Variants in DSCAM observed in about 807,000 individuals in gnomAD.
DSCAM encodes the protein DS cell adhesion molecule, also known as cell adhesion molecule DSCAM.
In DSCAM, 47 loss-of-function variants were observed where a neutral mutation model predicts 217.7. That is an observed-to-expected ratio of 0.22 (90% CI 0.17 to 0.28). The LOEUF (loss-of-function observed/expected upper bound fraction) is 0.28. Ranked by LOEUF, DSCAM falls within the 10% of genes least tolerant of loss-of-function variation. The probability of loss-of-function intolerance (pLI) is 1.00; values close to 1 mark genes in which losing one functional copy is unlikely to be tolerated. For synonymous variants in DSCAM, 1,056 were observed against 1,015.3 expected (o/e 1.04, Z -0.76); for missense variants, 2,080 against 2,618.3 (o/e 0.79, Z 4.49).
chr21:40,551,315 GT>G (rs2076628017), intron 3 of DSCAM, among the ~76,000 whole-genome samples: 1 of 152,134 alleles, frequency 6.6e-6, no homozygotes. Context: ...GATTCAAAGA[GT>G]TTCTGATTGA....
At chr21:40,520,053 G>C (rs550907695) in intron 3 of DSCAM, among the ~76,000 whole-genome samples, 1 of 151,956 alleles carries the variant, frequency 6.6e-6, no homozygotes. Flanking sequence ...TTCAGATCTT[G>C]CATCTATTAG....
At chr21:40,451,466 G>A (rs185185676) in intron 3 of DSCAM, among the ~76,000 whole-genome samples, 49 of 152,198 alleles carry the variant, frequency 3.2e-4, no homozygotes, top group East Asian at 3.1e-3. Context: ...AGTGTTTCTT[G>A]GTTTTGTATC....
intron 1 of DSCAM, among the ~76,000 whole-genome samples, chr21:40,837,895 A>G (rs2092069684): frequency 6.6e-6 from 1 of 152,208 alleles, no homozygotes; most frequent in Admixed American, 6.5e-5. Context: ...GCTACATATC[A>G]GTTATTAAAA....
At position 40,016,644 on chromosome 21, in the gene DSCAM, C is replaced by G. The variant is rs560165550; in HGVS notation, c.5687-3258G>C. On this transcript the variant is annotated intron_variant, in intron 32 of 32. Transcript: ENST00000400454. The surrounding 1 kb of genome is among the most constrained non-coding windows in gnomAD (Gnocchi z 4.3). ...CCAGCCCCTTTGGACCCATAGGCCC[C>G]GAAGGTGCAGGCTGAGGGGATCTGA... Among the ~76,000 whole-genome samples, 1 of 152,138 alleles carries G rather than the reference C, an allele frequency of 6.6e-6. No individual in the cohort carries two copies. Among genetic ancestry groups the G allele is most frequent in the Non-Finnish European group, 1.5e-5 (1 of 68,028 alleles).
chr21:40,828,894 G>A (rs2091990985), intron 1 of DSCAM, among the ~76,000 whole-genome samples: 1 of 152,134 alleles, frequency 6.6e-6, no homozygotes, highest in Non-Finnish European at 1.5e-5. Flanking sequence ...CTGACCTCAG[G>A]TGATCCACCC....
chr21:40,266,285 T>G (rs1312865920), intron 11 of DSCAM, among the ~76,000 whole-genome samples: 1 of 151,958 alleles, frequency 6.6e-6, no homozygotes, highest in African/African-American at 2.4e-5. Flanking sequence ...AAATGCCAAT[T>G]AAAACCACAA....
chr21:40,651,368 C>T (rs1396690838), intron 3 of DSCAM, among the ~76,000 whole-genome samples: 2 of 152,162 alleles, frequency 1.3e-5, no homozygotes, highest in African/African-American at 4.8e-5. Flanking sequence ...TCTTATGAGC[C>T]ATCTACATGG....
intron 1 of DSCAM, among the ~76,000 whole-genome samples, chr21:40,824,753 C>T (rs2091955049): frequency 6.6e-6 from 1 of 152,088 alleles, no homozygotes; most frequent in African/African-American, 2.4e-5. Flanking sequence ...TGACTTTGCA[C>T]AGCAGCTTGA....
chr21:40,686,298 A>G (rs1203355242), intron 3 of DSCAM, among the ~76,000 whole-genome samples: 1 of 149,316 alleles, frequency 6.7e-6, no homozygotes, highest in Non-Finnish European at 1.5e-5. Flanking sequence ...CTCACACACC[A>G]TACACGGCAC....
chr21:40,750,997 A>C (rs572657717), intron 1 of DSCAM, among the ~76,000 whole-genome samples: 1 of 152,172 alleles, frequency 6.6e-6, no homozygotes, highest in African/African-American at 2.4e-5. Flanking sequence ...TTGTTAAAGC[A>C]TAAGTCATAT....
intron 10 of DSCAM, among the ~76,000 whole-genome samples, chr21:40,282,243 C>G (rs2073770403): frequency 6.6e-6 from 1 of 152,096 alleles, no homozygotes; most frequent in African/African-American, 2.4e-5. Context: ...GTCCAATACA[C>G]ACAACCTGAA....
intron 1 of DSCAM, among the ~76,000 whole-genome samples, chr21:40,803,786 A>AT (rs2091762914): frequency 6.6e-6 from 1 of 152,082 alleles, no homozygotes; most frequent in Admixed American, 6.5e-5. Flanking sequence ...GAAAAAAAAA[A>AT]CACCTTTATA....
At chr21:40,592,442 G>C (rs373880622) in intron 3 of DSCAM, among the ~76,000 whole-genome samples, 1 of 152,206 alleles carries the variant, frequency 6.6e-6, no homozygotes, top group Non-Finnish European at 1.5e-5. Context: ...ATGGCTTCCT[G>C]CTCCAATTGA....
At chr21:40,821,956 C>A (rs972786291) in intron 1 of DSCAM, among the ~76,000 whole-genome samples, 2 of 151,676 alleles carry the variant, frequency 1.3e-5, no homozygotes, top group Non-Finnish European at 2.9e-5. Flanking sequence ...TACAACAAAC[C>A]TCCATGACAC....
intron 11 of DSCAM, among the ~76,000 whole-genome samples, chr21:40,237,405 C>T (rs1233397947): frequency 6.6e-6 from 1 of 152,126 alleles, no homozygotes; most frequent in Non-Finnish European, 1.5e-5. Context: ...TGATGTTCCC[C>T]TCCCTGTGTC....
chr21:40,808,392 A>C (rs1244693623), intron 1 of DSCAM, among the ~76,000 whole-genome samples: 1 of 152,070 alleles, frequency 6.6e-6, no homozygotes, highest in Non-Finnish European at 1.5e-5. Context: ...AGAACCACAG[A>C]GTGGTCAAGC....
At chr21:40,078,509 A>G (rs1256653933) in intron 26 of DSCAM, among the ~76,000 whole-genome samples, 178 bp downstream of exon 26, 1 of 152,166 alleles carries the variant, frequency 6.6e-6, no homozygotes, top group East Asian at 1.9e-4. Flanking sequence ...AGTGATGGTC[A>G]TCTGGATATA....
chr21:40,057,324 T>G (rs2089041243), intron 28 of DSCAM, among the ~76,000 whole-genome samples: 2 of 152,204 alleles, frequency 1.3e-5, no homozygotes, highest in Non-Finnish European at 2.9e-5. Flanking sequence ...ATGAAAAAAT[T>G]CAAATAATCA....
At chr21:40,409,735 T>G (rs573667611) in intron 3 of DSCAM, among the ~76,000 whole-genome samples, 1 of 152,344 alleles carries the variant, frequency 6.6e-6, no homozygotes, top group East Asian at 1.9e-4. Flanking sequence ...AGAATTGTAT[T>G]AATATTACCT....
Sources: gnomAD v4.1 joint callset for allele counts (sites outside exome capture counted in the v4.1 genomes callset) on GRCh38, gnomAD v4.1.1 for gene constraint, Gnocchi (gnomAD v3.1) non-coding constraint, MANE v1.5 for transcripts, NCBI Gene and HGNC (gene_info 2026-07-23, HGNC 2026-07-21) for gene names.